The following SAMD12 variants were observed in gnomAD, a reference collection of about 807,000 sequenced individuals.
The protein encoded by SAMD12 is sterile alpha motif domain-containing protein 12.
In SAMD12, 9 loss-of-function variants were observed where a neutral mutation model predicts 15.0. The ratio of observed to expected loss-of-function variants is 0.60; its 90% CI spans 0.36 to 1.05. The LOEUF (loss-of-function observed/expected upper bound fraction) is 1.05. SAMD12 is among the 50% of genes least tolerant of loss of function. The pLI, the probability that SAMD12 is intolerant of heterozygous loss-of-function variation, is 0.01. For synonymous variants in SAMD12, 86 were observed against 90.1 expected (o/e 0.96, Z 0.25); for missense variants, 230 against 234.2 (o/e 0.98, Z 0.12).
rs1363710715 is a variant in SAMD12 at position 118,470,297 on chromosome 8, A to G, written c.193-30336T>C. Reference sequence around the variant, plus strand: ...TTTATGTTCATGTATTACTTAGGTAATAAAAAAATAACATGGAAAGCAATA... The same window carrying G: ...TTTATGTTCATGTATTACTTAGGTAGTAAAAAAATAACATGGAAAGCAATA... On this transcript the variant is annotated intron_variant, in intron 2 of 3. Coordinates refer to ENST00000314727, the MANE Select transcript of SAMD12 (RefSeq NM_207506.3). 3.3e-5 allele frequency among the ~76,000 whole-genome samples: 5 copies of G among 151,796 alleles called. No homozygotes were observed. In the East Asian group the frequency reaches 7.7e-4, roughly 23 times the overall value.
At chr8:118,318,421 T>C (rs1415954138) in intron 4 of SAMD12, among the ~76,000 whole-genome samples, 2 of 149,062 alleles carry the variant, frequency 1.3e-5, no homozygotes, top group Non-Finnish European at 3.0e-5. Flanking sequence ...TTGTAGCAAC[T>C]TGGATGGAGC....
intron 2 of SAMD12, among the ~76,000 whole-genome samples, chr8:118,455,120 T>C (rs1438158021): frequency 6.6e-6 from 1 of 152,084 alleles, no homozygotes; most frequent in Admixed American, 6.6e-5. Flanking sequence ...CTGGACATGC[T>C]CTTGTCATGG....
the SAMD12 span, among the ~76,000 whole-genome samples, chr8:118,139,010 C>T: frequency 6.6e-6 from 1 of 152,112 alleles, no homozygotes; most frequent in African/African-American, 2.4e-5. Context: ...AACTTAACAG[C>T]CAAGGAGACT....
intron 1 of SAMD12, among the ~76,000 whole-genome samples, chr8:118,610,496 A>G (rs1042058589): frequency 2.0e-5 from 3 of 152,224 alleles, no homozygotes; most frequent in African/African-American, 4.8e-5. Flanking sequence ...AAAATTAGTT[A>G]TCTTCTCTGG....
At chr8:118,395,918 G>A (rs912898703) in intron 3 of SAMD12, among the ~76,000 whole-genome samples, 2 of 141,112 alleles carry the variant, frequency 1.4e-5, no homozygotes, top group African/African-American at 5.4e-5. Context: ...GATCGCAAGA[G>A]CAAGACTCCA....
At chr8:118,530,344 T>C (rs777993660) in intron 2 of SAMD12, among the ~76,000 whole-genome samples, 1 of 152,168 alleles carries the variant, frequency 6.6e-6, no homozygotes, top group South Asian at 2.1e-4. Flanking sequence ...ATCTGATAGG[T>C]AGTTTTTAAA....
chr8:118,616,207 C>A lies in SAMD12; in HGVS notation c.13+5597G>T, dbSNP rs537325350. Among the ~76,000 whole-genome samples the A allele has an allele frequency of 2.0e-5, 3 of 152,334 alleles. No individual in the cohort carries two copies. The South Asian group carries it at 6.2e-4, about 32-fold the overall frequency. On this transcript the variant is annotated intron_variant, in intron 1 of 3. Coordinates refer to ENST00000314727, the MANE Select transcript of SAMD12 (RefSeq NM_207506.3). ...GTACCTATGAGGGAAACTTGTCCAT[C>A]GTCTCACTGCTTTCATGACATCTGC...
Position 118,504,265 on chromosome 8 carries a change from G to C in SAMD12, c.193-64304C>G, listed in dbSNP as rs149919027. Among the ~76,000 whole-genome samples, 247 of 152,272 alleles carry C rather than the reference G, an allele frequency of 1.6e-3. 1 individual carries two copies. Among genetic ancestry groups the C allele is most frequent in the African/African-American group, 4.7e-3 (194 of 41,538 alleles). ...TCTGTGACTTCCTCTCCTAGACCAGGCATCATAAAGAAGCCCGGAGAAAAA... is the reference window on the plus strand; with the variant it reads ...TCTGTGACTTCCTCTCCTAGACCAGCCATCATAAAGAAGCCCGGAGAAAAA... On this transcript the variant is annotated intron_variant, in intron 2 of 3. Transcript: ENST00000314727.
the SAMD12 span, among the ~76,000 whole-genome samples, chr8:118,183,339 G>A: frequency 6.6e-6 from 1 of 152,178 alleles, no homozygotes; most frequent in South Asian, 2.1e-4. Context: ...GATGAGATGG[G>A]TTCAGAAATT....
chr8:118,493,084 A>T (rs995493474), intron 2 of SAMD12, among the ~76,000 whole-genome samples: 12 of 152,222 alleles, frequency 7.9e-5, no homozygotes, highest in Non-Finnish European at 1.8e-4. Flanking sequence ...ATTTGTTAGA[A>T]GTCAATACAA....
At chr8:118,169,470 C>T in the SAMD12 span, among the ~76,000 whole-genome samples, 1 of 152,178 alleles carries the variant, frequency 6.6e-6, no homozygotes, top group Non-Finnish European at 1.5e-5. Flanking sequence ...TTCAAAATTG[C>T]ATGTTGGGGC....
intron 4 of SAMD12, among the ~76,000 whole-genome samples, chr8:118,290,853 T>G (rs1814320909): frequency 1.3e-5 from 2 of 152,202 alleles, no homozygotes; most frequent in African/African-American, 4.8e-5. Context: ...TGAAAAATAA[T>G]TAGTCTTTTT....
At chr8:118,297,250 A>C (rs553553803) in intron 4 of SAMD12, among the ~76,000 whole-genome samples, 5 of 152,286 alleles carry the variant, frequency 3.3e-5, no homozygotes, top group South Asian at 2.1e-4. Flanking sequence ...AGTTGATTTC[A>C]TGACTGGTTT....
intron 3 of SAMD12, among the ~76,000 whole-genome samples, chr8:118,380,578 A>C (rs1819619070): frequency 6.6e-6 from 1 of 152,186 alleles, no homozygotes; most frequent in African/African-American, 2.4e-5. Flanking sequence ...TACTGCAAAA[A>C]ATAAAAAGAG....
At chr8:118,422,516 A>G (rs1366057461) in intron 3 of SAMD12, among the ~76,000 whole-genome samples, 2 of 152,158 alleles carry the variant, frequency 1.3e-5, no homozygotes, top group African/African-American at 4.8e-5. Flanking sequence ...CAAGAATGAG[A>G]GTGATGTGCT....
intron 4 of SAMD12, among the ~76,000 whole-genome samples, chr8:118,353,836 G>T (rs527923310): frequency 8.6e-5 from 13 of 151,968 alleles, no homozygotes; most frequent in Non-Finnish European, 1.6e-4. Flanking sequence ...GATGCATTTA[G>T]CCAGTGAGTG....
At chr8:118,501,877 C>T (rs918359731) in intron 2 of SAMD12, among the ~76,000 whole-genome samples, 2 of 151,998 alleles carry the variant, frequency 1.3e-5, no homozygotes, top group African/African-American at 4.8e-5. Context: ...ATTAGCCGGG[C>T]GTGGTGGCAG....
At chr8:118,560,519 C>G (rs894715747) in intron 2 of SAMD12, among the ~76,000 whole-genome samples, 2 of 152,142 alleles carry the variant, frequency 1.3e-5, no homozygotes, top group African/African-American at 2.4e-5. Flanking sequence ...TGTAATGAAG[C>G]AGGAGCTAGG....
intron 4 of SAMD12, among the ~76,000 whole-genome samples, chr8:118,211,544 C>T (rs1008578848): frequency 2.6e-5 from 4 of 152,186 alleles, no homozygotes; most frequent in Non-Finnish European, 5.9e-5. Context: ...TTTAAAATAA[C>T]AGTTTGGGCA....
Sources: allele counts gnomAD v4.1 joint callset (sites outside exome capture counted in the v4.1 genomes callset), GRCh38; gene constraint gnomAD v4.1.1; transcripts MANE v1.5; gene names NCBI Gene and HGNC (gene_info 2026-07-23, HGNC 2026-07-21).